SKAP1: variants seen among roughly 807,000 people sequenced by gnomAD.
SKAP1 encodes the protein src kinase-associated phosphoprotein 1.
A neutral mutation model predicts 58.5 loss-of-function variants in SKAP1; 44 were observed. The ratio of observed to expected loss-of-function variants is 0.75; its 90% CI spans 0.59 to 0.97. SKAP1 has a LOEUF of 0.97. SKAP1 is among the 50% of genes least tolerant of loss of function. The pLI, the probability that SKAP1 is intolerant of heterozygous loss-of-function variation, is 0.00. For missense variants in SKAP1, 390 were observed against 435.2 expected, an observed-to-expected ratio of 0.90 and a Z score of 0.92; for synonymous variants, 127 against 149.7, an observed-to-expected ratio of 0.85 and a Z score of 1.11.
At chr17:48,220,489 A>G (rs1001701523) in intron 4 of SKAP1, among the ~76,000 whole-genome samples, 3 of 152,216 alleles carry the variant, frequency 2.0e-5, no homozygotes, top group Non-Finnish European at 4.4e-5. Flanking sequence ...AAGTTCAAGT[A>G]TAGGCAAAAT....
intron 4 of SKAP1, among the ~76,000 whole-genome samples, chr17:48,337,174 A>G (rs1237213723): frequency 6.6e-6 from 1 of 152,154 alleles, no homozygotes; most frequent in African/African-American, 2.4e-5. Flanking sequence ...GATTTAAGCT[A>G]CTTAGGGCCC....
At chr17:48,137,076 C>A in intron 12 of SKAP1, 153 bp downstream of exon 12, 1 of 545,420 alleles carries the variant, frequency 1.8e-6, no homozygotes. Flanking sequence ...ATTCCAGAGG[C>A]ATTTTCTTTC....
At chr17:48,336,901 T>C (rs2066579595) in intron 4 of SKAP1, among the ~76,000 whole-genome samples, 2 of 152,140 alleles carry the variant, frequency 1.3e-5, no homozygotes, top group African/African-American at 2.4e-5. Context: ...GTTTTGTTGA[T>C]TAAAATAAAA....
intron 2 of SKAP1, among the ~76,000 whole-genome samples, chr17:48,366,056 A>C (rs1432466153): frequency 1.3e-5 from 2 of 151,876 alleles, no homozygotes; most frequent in South Asian, 2.1e-4. Flanking sequence ...GGGTCCATAA[A>C]CCCCCCAAAA....
At chr17:48,229,356 C>T (rs971485349) in intron 4 of SKAP1, among the ~76,000 whole-genome samples, 1 of 152,126 alleles carries the variant, frequency 6.6e-6, no homozygotes, top group African/African-American at 2.4e-5. Context: ...CGTGGTGGCT[C>T]ACACCTGTAA....
intron 4 of SKAP1, among the ~76,000 whole-genome samples, chr17:48,267,597 A>G (rs770306948): frequency 9.9e-5 from 15 of 152,188 alleles, no homozygotes; most frequent in Middle Eastern, 3.2e-3. Flanking sequence ...AATTTTCTAA[A>G]CCCATTTTTT....
chr17:48,186,769 C>T (rs1411413025), intron 6 of SKAP1, among the ~76,000 whole-genome samples: 1 of 152,160 alleles, frequency 6.6e-6, no homozygotes, highest in Non-Finnish European at 1.5e-5. Flanking sequence ...TGTGCCTGGC[C>T]CAAAGCTGCA....
chr17:48,219,304 A>G (rs2143715594), intron 4 of SKAP1, among the ~76,000 whole-genome samples: 1 of 152,334 alleles, frequency 6.6e-6, no homozygotes, highest in East Asian at 1.9e-4. Flanking sequence ...TCATTGGCAA[A>G]AAAACTGGCC....
At chr17:48,204,977 C>CTTTTCTTTTCTTTTCTTTTCT (rs67682493) in intron 4 of SKAP1, among the ~76,000 whole-genome samples, 1 of 69,320 alleles carries the variant, frequency 1.4e-5, no homozygotes, top group African/African-American at 4.3e-5. Context: ...CTTTTCTTTT[C>CTTTTCTTTTCTTTTCTTTTCT]TTTCTTTCTT....
chr17:48,224,087 A>AGG (rs1302247897), intron 4 of SKAP1, among the ~76,000 whole-genome samples: 13,520 of 73,104 alleles, frequency 0.18, 3,993 homozygotes, highest in East Asian at 0.33. Flanking sequence ...GAGGAGGAGG[A>AGG]AGAGGAGGAG....
chr17:48,237,384 A>T (rs900571139), intron 4 of SKAP1, among the ~76,000 whole-genome samples: 1 of 152,204 alleles, frequency 6.6e-6, no homozygotes, highest in Non-Finnish European at 1.5e-5. Context: ...TAGTGATCTT[A>T]AAAATGTTCT....
intron 4 of SKAP1, among the ~76,000 whole-genome samples, chr17:48,317,320 T>C (rs2066302385): frequency 6.6e-6 from 1 of 152,224 alleles, no homozygotes. Flanking sequence ...TGATGATCAG[T>C]TGACCTTCAT....
intron 4 of SKAP1, among the ~76,000 whole-genome samples, chr17:48,204,998 TTTC>T (rs2064784504): frequency 2.5e-5 from 1 of 39,500 alleles, no homozygotes; most frequent in African/African-American, 1.2e-4. Flanking sequence ...TCTTTCTTTC[TTTC>T]TTTCTTTCTT....
intron 4 of SKAP1, among the ~76,000 whole-genome samples, chr17:48,282,791 G>C (rs1008386323): frequency 3.3e-5 from 5 of 151,488 alleles, no homozygotes; most frequent in Admixed American, 6.6e-5. Flanking sequence ...AAAAAAGAAA[G>C]AAAAGAAAAA....
At chr17:48,364,087 G>A (rs2066971915) in intron 2 of SKAP1, among the ~76,000 whole-genome samples, 1 of 152,212 alleles carries the variant, frequency 6.6e-6, no homozygotes, top group African/African-American at 2.4e-5. Context: ...GCGGTGGCCT[G>A]GGGTTTCTCA....
chr17:48,357,357 G>A (rs2066887579), intron 3 of SKAP1, among the ~76,000 whole-genome samples: 1 of 152,166 alleles, frequency 6.6e-6, no homozygotes, highest in Non-Finnish European at 1.5e-5. Flanking sequence ...TTGGCCGGGT[G>A]CAGTGGCTCA....
At chr17:48,381,779 T>C (rs767266639) in intron 2 of SKAP1, among the ~76,000 whole-genome samples, 1 of 152,216 alleles carries the variant, frequency 6.6e-6, no homozygotes, top group Non-Finnish European at 1.5e-5. Flanking sequence ...GTGTATTGTA[T>C]AATGATTTGG....
chr17:48,257,920 A>T (rs1313153512), intron 4 of SKAP1, among the ~76,000 whole-genome samples: 1 of 152,024 alleles, frequency 6.6e-6, no homozygotes, highest in Admixed American at 6.6e-5. Flanking sequence ...TGATTTGCTC[A>T]CAAAGGAAGA....
chr17:48,193,765 T>A, intron 4 of SKAP1: 2 of 982,944 alleles, frequency 2.0e-6, no homozygotes, highest in Non-Finnish European at 2.4e-6. Flanking sequence ...TATGCCTGGA[T>A]CCACACCTAC....
Sources: allele counts gnomAD v4.1 joint callset (sites outside exome capture counted in the v4.1 genomes callset), GRCh38; gene constraint gnomAD v4.1.1; transcripts MANE v1.5; gene names NCBI Gene and HGNC (gene_info 2026-07-23, HGNC 2026-07-21).